HNRNPU: variants seen among roughly 807,000 people sequenced by gnomAD.
HNRNPU encodes heterogeneous nuclear ribonucleoprotein U.
Under a neutral mutation model 94.7 loss-of-function variants are expected in HNRNPU, and 5 were observed. The observed-to-expected ratio is 0.05, with a 90% confidence interval of 0.03 to 0.11. The LOEUF is 0.11. HNRNPU is among the 10% of genes least tolerant of loss of function. The pLI is 1.00. For missense variants in HNRNPU, 710 were observed against 1,049.2 expected, an observed-to-expected ratio of 0.68 and a Z score of 4.47; for synonymous variants, 434 against 381.6, an observed-to-expected ratio of 1.14 and a Z score of -1.60.
intron 11 of HNRNPU, 42 bp downstream of exon 11, chr1:244,855,862 T>A: frequency 6.3e-7 from 1 of 1,598,288 alleles, no homozygotes; most frequent in Non-Finnish European, 8.5e-7. Flanking sequence ...TATCACTTGT[T>A]TCGATCCTGA....
intron 8 of HNRNPU, chr1:244,857,324 C>A (rs1302546358): frequency 6.3e-6 from 2 of 319,608 alleles, no homozygotes; most frequent in African/African-American, 4.4e-5. Context: ...CAACTCACTG[C>A]AACCTCTGCC....
At chr1:244,862,440 G>A (rs768140203) in intron 3 of HNRNPU, 21 bp downstream of exon 3, 81 of 1,490,058 alleles carry the variant, frequency 5.4e-5, no homozygotes, top group Admixed American at 7.2e-5. Flanking sequence ...TTCATAATTG[G>A]GGAGAAACAG....
At chr1:244,854,948 A>C in intron 13 of HNRNPU, 25 bp downstream of exon 13, 1 of 1,533,768 alleles carries the variant, frequency 6.5e-7, no homozygotes, top group Non-Finnish European at 9.0e-7. Context: ...ATTAATGTAC[A>C]TAAAGCACAT....
At chr1:244,855,337 T>G in intron 12 of HNRNPU, 87 bp downstream of exon 12, 1 of 1,257,572 alleles carries the variant, frequency 8.0e-7, no homozygotes, top group Non-Finnish European at 1.1e-6. Context: ...TCCTTACGGA[T>G]TACTAAGACA....
Position 244,862,663 on chromosome 1 carries a change from A to G in HNRNPU, c.759T>C (p.His253=), listed in dbSNP as rs1267607334. Residue 253 remains histidine (H), a synonymous_variant, in exon 2 of 14, where the codon CAT becomes CAC. Coordinates refer to ENST00000640218, the MANE Select transcript of HNRNPU (RefSeq NM_031844.3). ...KRGVKRPRED[H]GRGYFEYIEE... The stretch of plus-strand genomic sequence containing the variant: ...CAATGTACTCAAAATATCCACGGCC[A>G]TGATCTTCTCGTGGTCTTTTAACAC... The G allele has an allele frequency of 6.2e-7, 1 of 1,614,140 alleles. No homozygotes were observed. The highest frequency in any genetic ancestry group is 8.5e-7 in the Non-Finnish European group (1 of 1,179,998).
rs888600679 is a variant in HNRNPU at position 244,853,307 on chromosome 1, G to A, written c.*1143C>T. 6.6e-6 allele frequency: 1 copy of A among 152,488 alleles called. No individual in the cohort carries two copies. The highest frequency in any genetic ancestry group is 1.5e-5 in the Non-Finnish European group (1 of 67,962). 9.4% of individuals were successfully genotyped at this position (152,488 alleles called of 1,614,324 possible). On this transcript the variant is annotated 3_prime_UTR_variant, in exon 14 of 14. Coordinates refer to ENST00000640218, the MANE Select transcript of HNRNPU (RefSeq NM_031844.3). ...GAGTAAAGAATAAGCTGTCCAGAAA[G>A]CACACACTTAATAAATTTCTCCTCT...
chr1:244,859,548 T>G (rs1192024277), intron 4 of HNRNPU, 174 bp from the exon 5 acceptor site: 1 of 430,524 alleles, frequency 2.3e-6, no homozygotes, highest in African/African-American at 2.0e-5. Context: ...GCTTATAACT[T>G]GAAATTTAAA....
At chr1:244,862,393 T>A in intron 3 of HNRNPU, 68 bp downstream of exon 3, 1 of 822,616 alleles carries the variant, frequency 1.2e-6, no homozygotes, top group Non-Finnish European at 1.8e-6. Context: ...CATTAAGACT[T>A]CTAAAAAAAA....
At chr1:244,862,920 T>G (rs1360252550) in intron 1 of HNRNPU, 190 bp from the exon 2 acceptor site, 5 of 606,444 alleles carry the variant, frequency 8.2e-6, no homozygotes, top group Non-Finnish European at 1.5e-5. Flanking sequence ...TCTAAAGACA[T>G]TACTAATTTT....
intron 8 of HNRNPU, 29 bp from the exon 9 acceptor site, chr1:244,856,885 G>A: frequency 1.3e-6 from 2 of 1,560,604 alleles, no homozygotes; most frequent in Non-Finnish European, 1.7e-6. Context: ...ATTTCCCCTT[G>A]AACTTGTGAA....
In HNRNPU at chr1:244,856,557, A is replaced by G; in HGVS notation, c.1812T>C (p.Val604=). ...AGTCTTCATCTTTTGGGCAAACTACAACAGCTTTTCGCTGGAAGCCTGCAA... is the reference window on the plus strand; with the variant it reads ...AGTCTTCATCTTTTGGGCAAACTACGACAGCTTTTCGCTGGAAGCCTGCAA... The part of the protein sequence containing the change: ...CLFAGFQRKA[V]VVCPKDEDYK... Residue 604 remains valine (V), a synonymous_variant, in exon 10 of 14, where the codon GTT becomes GTC. Coordinates refer to ENST00000640218, the MANE Select transcript of HNRNPU (RefSeq NM_031844.3). 1 of 1,614,152 alleles carries G rather than the reference A, an allele frequency of 6.2e-7. No homozygotes were observed. Among genetic ancestry groups the G allele is most frequent in the Non-Finnish European group, 8.5e-7 (1 of 1,179,992 alleles).
rs111882601 is a variant in HNRNPU at position 244,851,088 on chromosome 1, C to T, written c.*3362G>A. Reference sequence around the variant, plus strand: ...CCTCCCAAAGTGCTAGGATTACAGGCGTGAGCCACCACACCCAGCCAAGTT... The same window carrying T: ...CCTCCCAAAGTGCTAGGATTACAGGTGTGAGCCACCACACCCAGCCAAGTT... On this transcript the variant is annotated 3_prime_UTR_variant, in exon 14 of 14. Transcript: ENST00000640218. 2,781 of 152,038 alleles carry T rather than the reference C, an allele frequency of 0.018. 26 individuals carry two copies. Among genetic ancestry groups the T allele is most frequent in the Non-Finnish European group, 0.029 (1,984 of 68,014 alleles). The allele number at this position is 152,038 out of a possible 1,614,324, so 9.4% of individuals were successfully genotyped here. A position where few individuals can be genotyped will look rare whatever the true frequency, so the allele number is the denominator to read the frequency against.
rs200962317 is a variant in HNRNPU at position 244,859,311 on chromosome 1, T to C, written c.1081A>G (p.Ile361Val). Reference protein sequence around the residue: ...TKDIDIHEVRIGWSLTTSGML... With the variant: ...TKDIDIHEVRVGWSLTTSGML... ...CCACTTGTAGTTAGTGACCAGCCAA[T>C]ACGAACTTCATGTATGTCAATATCT... is the stretch of plus-strand genomic sequence containing the variant. The change falls in exon 5 of 14, where the codon ATT becomes GTT. Residue 361 changes from isoleucine to valine, a missense_variant. By Grantham distance (29) the Ile-to-Val change is conservative. Transcript: ENST00000640218. 7.7e-5 allele frequency: 123 copies of C among 1,600,186 alleles called. No individual in the cohort carries two copies. Among genetic ancestry groups the C allele is most frequent in the Non-Finnish European group, 9.7e-5 (113 of 1,167,746 alleles).
chr1:244,855,799 G>T, intron 11 of HNRNPU, 105 bp downstream of exon 11: 1 of 1,364,968 alleles, frequency 7.3e-7, no homozygotes, highest in Non-Finnish European at 1.0e-6. Flanking sequence ...TAGTTACTGT[G>T]ACAGTATACC....
chr1:244,864,523 G>C lies in HNRNPU; in HGVS notation c.-216C>G, dbSNP rs1218330838. The C allele has an allele frequency of 1.4e-6, 1 of 707,534 alleles. No individual in the cohort carries two copies. Among genetic ancestry groups the C allele is most frequent in the African/African-American group, 1.9e-5 (1 of 52,518 alleles). The allele number at this position is 707,534 out of a possible 1,614,324, so 43.8% of individuals were successfully genotyped here. ...GGAGACGCGGAGACTCGCCTGGCGC[G>C]AGCGAGCACGCAACGTCCTCTCGCA... On this transcript the variant is annotated 5_prime_UTR_variant, in exon 1 of 14. Transcript: ENST00000640218.
chr1:244,850,529 AG>A lies in HNRNPU; in HGVS notation c.*3920del, dbSNP rs1680515644. 7.2e-6 allele frequency: 1 copy of A among 138,458 alleles called. No individual in the cohort carries two copies. The highest frequency in any genetic ancestry group is 1.5e-5 in the Non-Finnish European group (1 of 65,508). 8.6% of individuals were successfully genotyped at this position (138,458 alleles called of 1,614,324 possible). The stretch of plus-strand genomic sequence containing the variant: ...GGCACTGCAGCGTTAACTAAGTTTT[AG>A]GGTAAATTTAGGCAATTAACAATTC... On this transcript the variant is annotated 3_prime_UTR_variant, in exon 14 of 14. Coordinates refer to ENST00000640218, the MANE Select transcript of HNRNPU (RefSeq NM_031844.3).
Position 244,864,417 on chromosome 1 carries a change from T to G in HNRNPU, c.-110A>C. The G allele has an allele frequency of 2.6e-6, 4 of 1,552,618 alleles. No individual in the cohort carries two copies. Among genetic ancestry groups the G allele is most frequent in the Non-Finnish European group, 3.5e-6 (4 of 1,151,210 alleles). Reference sequence around the variant, plus strand: ...CCTCGGCCCGGGCGGCGGCTGCGGCTGCGGCTGGAGATGGGTTCGTGCTGC... The same window carrying G: ...CCTCGGCCCGGGCGGCGGCTGCGGCGGCGGCTGGAGATGGGTTCGTGCTGC... On this transcript the variant is annotated 5_prime_UTR_variant, in exon 1 of 14. Transcript: ENST00000640218.
At chr1:244,862,334 T>G in intron 3 of HNRNPU, 127 bp downstream of exon 3, 2 of 649,114 alleles carry the variant, frequency 3.1e-6, no homozygotes, top group South Asian at 3.8e-5. Context: ...ATGTAAACCA[T>G]TATCTTCCTG....
At chr1:244,861,529 T>C (rs956027176) in intron 3 of HNRNPU, 4 of 152,116 alleles carry the variant, frequency 2.6e-5, no homozygotes, top group Non-Finnish European at 4.4e-5. Context: ...GATATTCCAG[T>C]AAGAAAGAGT....
Sources: allele counts gnomAD v4.1 joint callset, GRCh38; gene constraint gnomAD v4.1.1; transcripts MANE v1.5; gene names NCBI Gene and HGNC (gene_info 2026-07-23, HGNC 2026-07-21).